MAF: variants seen among roughly 807,000 people sequenced by gnomAD.
MAF encodes the protein MAF bZIP transcription factor.
Under a neutral mutation model 22.0 loss-of-function variants are expected in MAF, and 10 were observed. The ratio of observed to expected loss-of-function variants is 0.45; its 90% CI spans 0.28 to 0.77. The LOEUF (loss-of-function observed/expected upper bound fraction) is 0.77, where lower values mean the gene tolerates loss of function less well. MAF is among the 30% of genes least tolerant of loss of function. The pLI, the probability that MAF is intolerant of heterozygous loss-of-function variation, is 0.12. For missense variants in MAF, 544 were observed against 548.4 expected (o/e 0.99, Z 0.08); for synonymous variants, 337 against 255.8 (o/e 1.32, Z -3.03).
the MAF span, among the ~76,000 whole-genome samples, chr16:79,541,665 T>G: frequency 3.4e-5 from 5 of 146,794 alleles, no homozygotes; most frequent in Non-Finnish European, 6.0e-5. Context: ...TTTTTTAGTT[T>G]TTTTTTTTTT....
the MAF span, among the ~76,000 whole-genome samples, chr16:79,527,279 T>A: frequency 7.2e-5 from 11 of 152,220 alleles, no homozygotes; most frequent in Non-Finnish European, 1.3e-4. Flanking sequence ...ATCTCCTTCA[T>A]TGTCTCCAAA....
chr16:79,546,653 T>G, the MAF span, among the ~76,000 whole-genome samples: 1 of 152,212 alleles, frequency 6.6e-6, no homozygotes, highest in African/African-American at 2.4e-5. Context: ...ATGTGATTGC[T>G]GTTATCAGGT....
At chr16:79,213,287 C>T in the MAF span, among the ~76,000 whole-genome samples, 3 of 147,724 alleles carry the variant, frequency 2.0e-5, no homozygotes, top group Non-Finnish European at 1.5e-5. Context: ...ATCTGTGGTG[C>T]AGAGCAGTCG....
At chr16:79,423,318 A>G in the MAF span, among the ~76,000 whole-genome samples, 105 of 152,232 alleles carry the variant, frequency 6.9e-4, no homozygotes, top group South Asian at 1.9e-3. Flanking sequence ...GGTGGGAATG[A>G]ATTTGGCTTG....
At chr16:79,395,614 G>A in the MAF span, among the ~76,000 whole-genome samples, 1 of 152,230 alleles carries the variant, frequency 6.6e-6, no homozygotes, top group South Asian at 2.1e-4. Flanking sequence ...GAATGCCGGA[G>A]CTTGCCACCC....
At chr16:79,296,030 A>C in the MAF span, among the ~76,000 whole-genome samples, 1 of 152,236 alleles carries the variant, frequency 6.6e-6, no homozygotes, top group African/African-American at 2.4e-5. Flanking sequence ...CCTCTGGCTG[A>C]ATCAGTCCTC....
chr16:79,540,579 G>T, the MAF span, among the ~76,000 whole-genome samples: 1 of 152,194 alleles, frequency 6.6e-6, no homozygotes, highest in Non-Finnish European at 1.5e-5. Flanking sequence ...ATGCTCATTG[G>T]CATGGTCAAC....
chr16:79,421,041 A>G, the MAF span, among the ~76,000 whole-genome samples: 1 of 151,998 alleles, frequency 6.6e-6, no homozygotes, highest in Admixed American at 6.6e-5. Context: ...TCAAAAAGAA[A>G]AAAAAAAAAA....
chr16:79,577,049 T>G, the MAF span, among the ~76,000 whole-genome samples: 4 of 152,300 alleles, frequency 2.6e-5, no homozygotes, highest in Non-Finnish European at 1.5e-5. Context: ...ATGTGCCATC[T>G]ATTGTTTTTT....
the MAF span, among the ~76,000 whole-genome samples, chr16:79,370,203 G>C: frequency 1.3e-5 from 2 of 152,230 alleles, no homozygotes; most frequent in South Asian, 4.2e-4. Context: ...TTTTTCTCAG[G>C]GTTAGGAACA....
the MAF span, among the ~76,000 whole-genome samples, chr16:79,366,567 G>T: frequency 6.6e-6 from 1 of 152,302 alleles, no homozygotes; most frequent in South Asian, 2.1e-4. Flanking sequence ...TTGCAGTTAG[G>T]TGTACCTGTG....
At chr16:79,258,976 C>T in the MAF span, among the ~76,000 whole-genome samples, 1 of 152,160 alleles carries the variant, frequency 6.6e-6, no homozygotes, top group Non-Finnish European at 1.5e-5. Context: ...GAGCCCACCA[C>T]ATCCAGGCTG....
At chr16:79,233,934 G>C in the MAF span, among the ~76,000 whole-genome samples, 1 of 151,126 alleles carries the variant, frequency 6.6e-6, no homozygotes, top group Non-Finnish European at 1.5e-5. Context: ...GGAGGTTGCG[G>C]TGAGCCGAGA....
At chr16:79,403,740 T>A in the MAF span, among the ~76,000 whole-genome samples, 260 of 152,228 alleles carry the variant, frequency 1.7e-3, 1 homozygote, top group African/African-American at 6.1e-3. Context: ...CAACCTAACA[T>A]AGGAAAAACA....
At chr16:79,227,779 ATCC>A in the MAF span, among the ~76,000 whole-genome samples, 4 of 152,090 alleles carry the variant, frequency 2.6e-5, no homozygotes, top group African/African-American at 9.7e-5. Flanking sequence ...CTAAACAAAT[ATCC>A]TCATCAAAAA....
the MAF span, among the ~76,000 whole-genome samples, chr16:79,360,755 G>T: frequency 2.0e-5 from 3 of 152,180 alleles, no homozygotes; most frequent in Non-Finnish European, 4.4e-5. Context: ...GAAGCGGCAA[G>T]ATCCACTGCA....
chr16:79,248,359 C>T, the MAF span, among the ~76,000 whole-genome samples: 67,181 of 151,990 alleles, frequency 0.44, 15,263 homozygotes, highest in Non-Finnish European at 0.5. Flanking sequence ...CTATTTCAGA[C>T]ATCCGAAGCT....
At chr16:79,570,738 T>G in the MAF span, among the ~76,000 whole-genome samples, 2 of 152,154 alleles carry the variant, frequency 1.3e-5, no homozygotes, top group African/African-American at 4.8e-5. Context: ...CAGTGTAAAG[T>G]CCCCAGATGT....
the MAF span, among the ~76,000 whole-genome samples, chr16:79,301,923 C>T: frequency 2.0e-5 from 3 of 152,232 alleles, no homozygotes; most frequent in Non-Finnish European, 4.4e-5. Flanking sequence ...CACAAGGTCT[C>T]ACAGCCTTTT....
Sources: gnomAD v4.1 joint callset for allele counts (sites outside exome capture counted in the v4.1 genomes callset) on GRCh38, gnomAD v4.1.1 for gene constraint, MANE v1.5 for transcripts, NCBI Gene and HGNC (gene_info 2026-07-23, HGNC 2026-07-21) for gene names.